The following PRKG1 variants were observed in gnomAD, a reference collection of about 807,000 sequenced individuals.
PRKG1 encodes the protein cGMP-dependent protein kinase 1.
In PRKG1, 35 loss-of-function variants were observed where a neutral mutation model predicts 88.1. That is an observed-to-expected ratio of 0.40 (90% CI 0.30 to 0.53). The LOEUF is 0.53. PRKG1 is among the 20% of genes least tolerant of loss of function. The pLI, the probability that PRKG1 is intolerant of heterozygous loss-of-function variation, is 0.59. For missense variants in PRKG1, 540 were observed against 839.8 expected, an observed-to-expected ratio of 0.64 and a Z score of 4.41; for synonymous variants, 303 against 292.5, an observed-to-expected ratio of 1.04 and a Z score of -0.37.
chr10:51,114,449 G>GTGTGTGTC (rs1161593056), intron 1 of PRKG1, among the ~76,000 whole-genome samples: 2 of 151,910 alleles, frequency 1.3e-5, no homozygotes, highest in Non-Finnish European at 2.9e-5. Flanking sequence ...GTGTGTGTGT[G>GTGTGTGTC]TGTGGATGTG....
At chr10:52,161,520 T>A (rs953478222) in intron 8 of PRKG1, among the ~76,000 whole-genome samples, 12 of 152,104 alleles carry the variant, frequency 7.9e-5, no homozygotes, top group African/African-American at 2.9e-4. Context: ...CACTCCATAA[T>A]TGGTAGATCT....
chr10:51,161,601 T>A (rs964559070), intron 2 of PRKG1, among the ~76,000 whole-genome samples: 13 of 152,196 alleles, frequency 8.5e-5, no homozygotes, highest in African/African-American at 2.9e-4. Context: ...GAGATGATGG[T>A]TGAAATGCCA....
chr10:50,994,897 A>T (rs1435983350), intron 1 of PRKG1, among the ~76,000 whole-genome samples: 1 of 152,128 alleles, frequency 6.6e-6, no homozygotes, highest in Non-Finnish European at 1.5e-5. Flanking sequence ...AACTATTTAC[A>T]TATAATTTAT....
At chr10:52,061,659 G>A (rs1325755284) in intron 6 of PRKG1, among the ~76,000 whole-genome samples, 1 of 152,024 alleles carries the variant, frequency 6.6e-6, no homozygotes, top group Non-Finnish European at 1.5e-5. Context: ...TATTTATTGA[G>A]TGCTTATTAT....
chr10:52,181,027 G>A (rs1260701342), intron 9 of PRKG1, among the ~76,000 whole-genome samples: 1 of 152,158 alleles, frequency 6.6e-6, no homozygotes, highest in Non-Finnish European at 1.5e-5. Context: ...GGCCAGCCTG[G>A]GTGTGTGTCT....
intron 3 of PRKG1, among the ~76,000 whole-genome samples, chr10:51,714,830 A>T (rs1213427485): frequency 3.3e-5 from 5 of 152,232 alleles, no homozygotes; most frequent in African/African-American, 1.2e-4. Context: ...AGATAAGTGA[A>T]TTATATTTAT....
chr10:51,076,011 T>C (rs1248943298), intron 1 of PRKG1, among the ~76,000 whole-genome samples: 1 of 152,248 alleles, frequency 6.6e-6, no homozygotes, highest in African/African-American at 2.4e-5. Flanking sequence ...TGTTACGTAA[T>C]AATGCAAGGT....
intron 3 of PRKG1, among the ~76,000 whole-genome samples, chr10:51,554,185 A>T (rs1343463862): frequency 6.8e-6 from 1 of 147,948 alleles, no homozygotes; most frequent in African/African-American, 2.5e-5. Context: ...ATATGTGTAT[A>T]TATTATATAT....
chr10:51,276,238 G>C (rs1840113759), intron 2 of PRKG1, among the ~76,000 whole-genome samples: 3 of 152,058 alleles, frequency 2.0e-5, no homozygotes, highest in Admixed American at 6.6e-5. Flanking sequence ...CCTTGTGATA[G>C]TTTGCTGAGA....
At chr10:51,056,904 A>G (rs569815301) in intron 1 of PRKG1, among the ~76,000 whole-genome samples, 51 of 152,194 alleles carry the variant, frequency 3.4e-4, no homozygotes, top group African/African-American at 1.2e-3. Flanking sequence ...TCCTCCACCT[A>G]TTCACATCCT....
chr10:51,055,777 G>A (rs1309613118), intron 1 of PRKG1, among the ~76,000 whole-genome samples: 3 of 152,032 alleles, frequency 2.0e-5, no homozygotes, highest in Non-Finnish European at 4.4e-5. Flanking sequence ...TGTCCCAAAA[G>A]GAGGATACTT....
chr10:51,061,178 TG>T (rs1169074171), intron 1 of PRKG1, among the ~76,000 whole-genome samples: 3 of 151,932 alleles, frequency 2.0e-5, no homozygotes, highest in African/African-American at 4.8e-5. Flanking sequence ...CAGTTCCACA[TG>T]GGTGGAGAGG....
intron 2 of PRKG1, among the ~76,000 whole-genome samples, chr10:51,330,114 TTTATTTATTTATTTA>T: frequency 1.3e-5 from 1 of 77,888 alleles, no homozygotes; most frequent in Admixed American, 1.2e-4. Flanking sequence ...CTTTTATTTA[TTTATTTATTTATTTA>T]TTTATTTATT....
chr10:51,404,435 C>G (rs774473462), intron 2 of PRKG1, among the ~76,000 whole-genome samples: 3 of 152,134 alleles, frequency 2.0e-5, no homozygotes, highest in Admixed American at 6.5e-5. Context: ...GAAAACAAAC[C>G]CAGCTGGACT....
intron 3 of PRKG1, among the ~76,000 whole-genome samples, chr10:51,473,141 T>A (rs770890491): frequency 1.3e-4 from 20 of 151,928 alleles, no homozygotes; most frequent in Non-Finnish European, 2.8e-4. Flanking sequence ...TCATTGCATT[T>A]ATCTATTAAA....
chr10:51,182,178 A>G (rs991333237), intron 2 of PRKG1, among the ~76,000 whole-genome samples: 2 of 152,136 alleles, frequency 1.3e-5, no homozygotes, highest in African/African-American at 4.8e-5. Context: ...CTCTTTTTCA[A>G]GTTGATGGTA....
At chr10:51,847,835 TC>T in intron 4 of PRKG1, among the ~76,000 whole-genome samples, 1 of 50,448 alleles carries the variant, frequency 2.0e-5, no homozygotes, top group Non-Finnish European at 3.6e-5. Context: ...GACTCAAGAC[TC>T]TGTTAAAAAA....
intron 2 of PRKG1, among the ~76,000 whole-genome samples, chr10:51,165,385 G>A (rs1297527187): frequency 6.6e-6 from 1 of 151,878 alleles, no homozygotes; most frequent in Non-Finnish European, 1.5e-5. Context: ...CCCTAAAAGA[G>A]CTCCTGAAGG....
chr10:51,697,038 T>C (rs1481254578), intron 3 of PRKG1: 1 of 152,252 alleles, frequency 6.6e-6, no homozygotes, highest in African/African-American at 2.4e-5. Context: ...ACCTTGCTGG[T>C]CTCTGAAGGA....
Sources: gnomAD v4.1 joint callset for allele counts (sites outside exome capture counted in the v4.1 genomes callset) on GRCh38, gnomAD v4.1.1 for gene constraint, MANE v1.5 for transcripts, NCBI Gene and HGNC (gene_info 2026-07-23, HGNC 2026-07-21) for gene names.